Variants in KCNQ2 observed in about 807,000 individuals in gnomAD.
KCNQ2 encodes the protein potassium voltage-gated channel subfamily KQT member 2.
In KCNQ2, 14 loss-of-function variants were observed where a neutral mutation model predicts 84.8. The ratio of observed to expected loss-of-function variants is 0.17; its 90% CI spans 0.11 to 0.26. The LOEUF (loss-of-function observed/expected upper bound fraction) is 0.26. Ranked by LOEUF, KCNQ2 falls within the 10% of genes least tolerant of loss-of-function variation. The pLI is 1.00. For missense variants in KCNQ2, 788 were observed against 1,254.0 expected, an observed-to-expected ratio of 0.63 and a Z score of 5.61; for synonymous variants, 599 against 554.1, an observed-to-expected ratio of 1.08 and a Z score of -1.14.
chr20:63,413,251 G>T (rs1402769504), intron 15 of KCNQ2, 199 bp downstream of exon 15: 2 of 627,162 alleles, frequency 3.2e-6, no homozygotes, highest in South Asian at 1.9e-5. Context: ...CGGTGTGGAT[G>T]GGGGAGAGAT....
At chr20:63,418,691 A>G (rs6011822) in intron 12 of KCNQ2, among the ~76,000 whole-genome samples, 121,478 of 152,216 alleles carry the variant, frequency 0.8, 48,570 homozygotes, top group African/African-American at 0.84. Context: ...GCCATGCCCC[A>G]GGCAGCCCAC....
rs753173259 is a variant in KCNQ2, at chr20:63,406,605, G to A, written c.*39C>T. 6.4e-7 allele frequency: 1 copy of A among 1,558,808 alleles called. No individual in the cohort carries two copies. The highest frequency in any genetic ancestry group is 1.8e-5 in the Admixed American group (1 of 55,510). Reference sequence around the variant, plus strand: ...CTCAAAACCTCGGAGGCACCGTGCTGAGGAGGGCCGCGGGCGGGTCCACTG... The same window carrying A: ...CTCAAAACCTCGGAGGCACCGTGCTAAGGAGGGCCGCGGGCGGGTCCACTG... On this transcript the variant is annotated 3_prime_UTR_variant, in exon 17 of 17. Coordinates refer to ENST00000359125, the MANE Select transcript of KCNQ2 (RefSeq NM_172107.4).
rs776422347 is a variant in KCNQ2, at chr20:63,413,523, C to T, written c.1690G>A (p.Val564Met). Reference sequence around the variant, plus strand: ...GAGTACTGCTCGATGACGTCCATCACGTCGTAGGGCCGCAGGCTCTCCTTG... The same window carrying T: ...GAGTACTGCTCGATGACGTCCATCATGTCGTAGGGCCGCAGGCTCTCCTTG... Reference protein sequence around the residue: ...KFKESLRPYDVMDVIEQYSAG... With the variant: ...KFKESLRPYDMMDVIEQYSAG... The change falls in exon 15 of 17, where the codon GTG becomes ATG. Residue 564 changes from valine to methionine, a missense_variant. Around this residue, in one of 8 missense-constraint regions of KCNQ2, gnomAD observed 15 missense variants for 69.1 expected, o/e 0.22. Coordinates refer to ENST00000359125, the MANE Select transcript of KCNQ2 (RefSeq NM_172107.4). 1.9e-6 allele frequency: 3 copies of T among 1,613,518 alleles called. No individual in the cohort carries two copies. Among genetic ancestry groups the T allele is most frequent in the South Asian group, 1.1e-5 (1 of 91,088 alleles).
rs2081067408 is a variant in KCNQ2 at position 63,438,462 on chromosome 20, C to T, written c.1023+163G>A. On this transcript the variant is annotated intron_variant, in intron 7 of 16. Coordinates refer to ENST00000359125, the MANE Select transcript of KCNQ2 (RefSeq NM_172107.4). The surrounding 1 kb of genome is among the most constrained non-coding windows in gnomAD (Gnocchi z 5.1). ...CAGGGGTTGGAGCCATTTCTCAACA[C>T]ACACACTTCACATCCTCGCTCCTTC... 1.4e-6 allele frequency: 1 copy of T among 693,552 alleles called. No homozygotes were observed. Among genetic ancestry groups the T allele is most frequent in the Non-Finnish European group, 2.6e-6 (1 of 386,730 alleles). 43.0% of individuals were successfully genotyped at this position (693,552 alleles called of 1,614,324 possible). A position where few individuals can be genotyped will look rare whatever the true frequency, so the allele number is the denominator to read the frequency against.
chr20:63,434,164 T>C, intron 7 of KCNQ2: 1 of 531,028 alleles, frequency 1.9e-6, no homozygotes, highest in Admixed American at 3.6e-5. Flanking sequence ...CTCGGGGCCC[T>C]GAGCGAGCTC....
At chr20:63,443,150 TCACCGGCGCCACCAC>T in intron 4 of KCNQ2, among the ~76,000 whole-genome samples, 1 of 33,720 alleles carries the variant, frequency 3.0e-5, no homozygotes, top group Non-Finnish European at 6.0e-5. Context: ...ACCACCACCA[TCACCGGCGCCACCAC>T]CATCACATCA....
intron 8 of KCNQ2, among the ~76,000 whole-genome samples, chr20:63,432,402 G>A (rs1323139123): frequency 1.4e-5 from 2 of 148,060 alleles, no homozygotes; most frequent in African/African-American, 5.0e-5. Context: ...CCACAGGGAA[G>A]GCCCCACCCT....
At chr20:63,470,558 C>T (rs1408961023) in intron 1 of KCNQ2, among the ~76,000 whole-genome samples, 1 of 152,240 alleles carries the variant, frequency 6.6e-6, no homozygotes, top group Non-Finnish European at 1.5e-5. Flanking sequence ...GCTGACCCAA[C>T]GGGAAACCTC....
chr20:63,408,671 G>A lies in KCNQ2; in HGVS notation c.1764-135C>T. On this transcript the variant is annotated intron_variant, in intron 15 of 16. Transcript: ENST00000359125. The surrounding 1 kb of genome is among the most constrained non-coding windows in gnomAD (Gnocchi z 5.0). Reference sequence around the variant, plus strand: ...GCCCAGAGCCGACCAGGGGGCAGTGGGTGCCAGGACAGATGGACGGGGTGC... The same window carrying A: ...GCCCAGAGCCGACCAGGGGGCAGTGAGTGCCAGGACAGATGGACGGGGTGC... 1 of 1,363,464 alleles carries A rather than the reference G, an allele frequency of 7.3e-7. No homozygotes were observed. 84.5% of individuals were successfully genotyped at this position (1,363,464 alleles called of 1,614,324 possible).
intron 12 of KCNQ2, 148 bp downstream of exon 12, chr20:63,419,471 G>C: frequency 1.4e-6 from 1 of 739,150 alleles, no homozygotes; most frequent in Non-Finnish European, 2.3e-6. Flanking sequence ...TAGAATAGAG[G>C]GAGCTGAGCC....
rs1376410842 is a variant in KCNQ2, at chr20:63,400,822, C to A, written c.*5822G>T. ...CCTCCGTGAGACCCCTCCTGCCCTGCGCGTGTCTCTGGAGCCCGTCCCTTG... is the reference window on the plus strand; with the variant it reads ...CCTCCGTGAGACCCCTCCTGCCCTGAGCGTGTCTCTGGAGCCCGTCCCTTG... On this transcript the variant is annotated 3_prime_UTR_variant, in exon 17 of 17. Transcript: ENST00000359125. This position sits in a 1 kb window ranked among gnomAD's most constrained non-coding sequence, Gnocchi z 8.7. 5.0e-6 allele frequency: 2 copies of A among 398,330 alleles called. No homozygotes were observed. Among genetic ancestry groups the A allele is most frequent in the African/African-American group, 2.1e-5 (1 of 48,622 alleles). 24.7% of individuals were successfully genotyped at this position (398,330 alleles called of 1,614,324 possible). A position where few individuals can be genotyped will look rare whatever the true frequency, so the allele number is the denominator to read the frequency against.
At chr20:63,443,010 CCATCACCACCACCATCA>C (rs1170931337) in intron 4 of KCNQ2, among the ~76,000 whole-genome samples, 5 of 33,276 alleles carry the variant, frequency 1.5e-4, no homozygotes, top group East Asian at 1.2e-3. Flanking sequence ...ACCACCATCA[CCATCACCACCACCATCA>C]CATCACCACC....
intron 1 of KCNQ2, among the ~76,000 whole-genome samples, chr20:63,456,975 T>C (rs1448848132): frequency 6.6e-6 from 1 of 152,076 alleles, no homozygotes; most frequent in Non-Finnish European, 1.5e-5. Context: ...CGAGCCTCCC[T>C]GGGGGCCCCG....
At chr20:63,443,081 C>CCAT (rs2081272664) in intron 4 of KCNQ2, among the ~76,000 whole-genome samples, 1 of 64,240 alleles carries the variant, frequency 1.6e-5, no homozygotes. Flanking sequence ...ATCACCACCA[C>CCAT]CACCATTATC....
Position 63,406,484 on chromosome 20 carries a change from G to A in KCNQ2, c.*160C>T. ...TAACTTTTGTAAAAGGTCACTGCCA[G>A]GAGCCCCCATCCTTCAGCCCACATG... On this transcript the variant is annotated 3_prime_UTR_variant, in exon 17 of 17. Coordinates refer to ENST00000359125, the MANE Select transcript of KCNQ2 (RefSeq NM_172107.4). 1.2e-6 allele frequency: 1 copy of A among 844,180 alleles called. No homozygotes were observed. The highest frequency in any genetic ancestry group is 3.6e-4 in the Middle Eastern group (1 of 2,750). The allele number at this position is 844,180 out of a possible 1,614,324, so 52.3% of individuals were successfully genotyped here.
intron 1 of KCNQ2, among the ~76,000 whole-genome samples, chr20:63,450,249 C>T (rs1335129444): frequency 6.6e-6 from 1 of 151,644 alleles, no homozygotes; most frequent in African/African-American, 2.4e-5. Flanking sequence ...TAGACGAAAC[C>T]CTGGCTGCTC....
chr20:63,453,068 AC>A (rs1259947158), intron 1 of KCNQ2, among the ~76,000 whole-genome samples: 2 of 146,842 alleles, frequency 1.4e-5, no homozygotes, highest in African/African-American at 2.5e-5. Flanking sequence ...CCTCCCCGCC[AC>A]CCCCAAGACC....
intron 15 of KCNQ2, among the ~76,000 whole-genome samples, chr20:63,410,523 A>T (rs1301904604): frequency 6.6e-6 from 1 of 152,216 alleles, no homozygotes; most frequent in African/African-American, 2.4e-5. Context: ...GGCAAGGCAC[A>T]GGAGGACGGA....
At chr20:63,470,404 G>C (rs1202031708) in intron 1 of KCNQ2, among the ~76,000 whole-genome samples, 1 of 152,236 alleles carries the variant, frequency 6.6e-6, no homozygotes, top group African/African-American at 2.4e-5. Context: ...TGGTCAGGAA[G>C]AGACGGCTCA....
Sources: allele counts gnomAD v4.1 joint callset (sites outside exome capture counted in the v4.1 genomes callset), GRCh38; gene constraint gnomAD v4.1.1; regional missense constraint gnomAD v4.1.1; non-coding constraint Gnocchi (gnomAD v3.1); transcripts MANE v1.5; gene names NCBI Gene and HGNC (gene_info 2026-07-23, HGNC 2026-07-21).